The following FMR1NB variants were observed in gnomAD, a reference collection of about 807,000 sequenced individuals.
The protein encoded by FMR1NB is FMR1 neighbor, also known as FMR1 neighbor protein.
A neutral mutation model predicts 16.8 loss-of-function variants in FMR1NB; 10 were observed. The observed-to-expected ratio is 0.60, with a 90% CI of 0.37 to 1.01. The LOEUF is 1.01. Among genes scored for constraint, FMR1NB ranks in the 50% least tolerant of loss-of-function variants. The pLI is 0.01. For synonymous variants in FMR1NB, 83 were observed against 79.1 expected (o/e 1.05, Z -0.26); for missense variants, 205 against 204.8 (o/e 1.00, Z 0.00).
At position 147,981,384 on chromosome X, in the gene FMR1NB, C is replaced by G. The variant is rs376172612; in HGVS notation, c.-19C>G. On this transcript the variant is annotated 5_prime_UTR_variant, in exon 1 of 6. Transcript: ENST00000370467. ...GTTGGGCTGTGAGGCAGCGTCTCAG[C>G]GAGGCGGCACCCGGAGCCATGTCTT... The G allele has an allele frequency of 6.7e-6, 8 of 1,196,552 alleles. No individual in the cohort carries two copies. The Admixed American group carries it at 1.8e-4, about 26-fold the overall frequency.
chrX:147,999,511 T>C (rs2044560135), intron 1 of FMR1NB, among the ~76,000 whole-genome samples: 1 of 106,609 alleles, frequency 9.4e-6, no homozygotes, highest in African/African-American at 3.5e-5. Flanking sequence ...CCAGGCCCTT[T>C]GTTCAGCCAG....
intron 1 of FMR1NB, among the ~76,000 whole-genome samples, chrX:147,991,803 C>G (rs781965524): frequency 9.3e-6 from 1 of 107,977 alleles, no homozygotes; most frequent in Non-Finnish European, 1.9e-5. Flanking sequence ...GAGGACCCTG[C>G]GGCCTTCAGC....
At chrX:148,000,285 T>G (rs782206752) in intron 1 of FMR1NB, among the ~76,000 whole-genome samples, 2 of 112,000 alleles carry the variant, frequency 1.8e-5, no homozygotes, top group East Asian at 5.6e-4. Flanking sequence ...CTCCAAAAAA[T>G]GAAGACTCAG....
chrX:148,008,703 C>A lies in FMR1NB; in HGVS notation c.624C>A (p.Phe208Leu). The A allele has an allele frequency of 1.7e-6, 2 of 1,210,098 alleles. No individual in the cohort carries two copies. The highest frequency in any genetic ancestry group is 2.2e-6 in the Non-Finnish European group (2 of 894,113). ...VCLPIYCRSL[F>L]WRSEPADDLQ... is the part of the protein sequence containing the mutation. ...TGCCCATTTATTGCCGCTCTCTTTT[C>A]TGGAGGAGGTAGGTGAACATAAACT... is the stretch of plus-strand genomic sequence containing the variant. The change falls in exon 4 of 6, where the codon TTC becomes TTA. Residue 208 changes from phenylalanine to leucine, a missense_variant. Transcript: ENST00000370467.
chrX:147,997,345 C>T (rs1215513550), intron 1 of FMR1NB, among the ~76,000 whole-genome samples: 1 of 111,845 alleles, frequency 8.9e-6, no homozygotes. Context: ...CTGTCAAATA[C>T]AAGCAATGGG....
rs145102389 is a variant in FMR1NB at position 147,981,544 on chromosome X, G to A, written c.142G>A (p.Ala48Thr). ...PESSHPGYEA[A>T]MADRPQPGWR... The stretch of plus-strand genomic sequence containing the variant: ...GAGCAGCCATCCTGGATACGAGGCC[G>A]CCATGGCTGACAGGCCTCAGCCAGG... The change falls in exon 1 of 6, where the codon GCC (alanine) becomes ACC (threonine). Residue 48 changes from alanine (A) to threonine (T), a missense_variant. Coordinates refer to ENST00000370467, the MANE Select transcript of FMR1NB (RefSeq NM_152578.3). 16 of 1,210,089 alleles carry A rather than the reference G, an allele frequency of 1.3e-5. No homozygotes were observed. The highest frequency in any genetic ancestry group is 1.1e-4 in the Admixed American group (5 of 45,856).
At chrX:148,024,757 G>T in intron 4 of FMR1NB, 108 bp from the exon 5 acceptor site, 1 of 929,060 alleles carries the variant, frequency 1.1e-6, no homozygotes, top group South Asian at 2.6e-5. Context: ...AAAATATCAG[G>T]TGGGAAAGTA....
intron 1 of FMR1NB, 114 bp downstream of exon 1, chrX:147,981,793 C>T (rs1246071072): frequency 5.8e-6 from 5 of 858,247 alleles, no homozygotes; most frequent in Non-Finnish European, 8.0e-6. Context: ...CTGCCCCTTC[C>T]TGTCCTCTCT....
intron 1 of FMR1NB, among the ~76,000 whole-genome samples, chrX:147,993,708 C>T (rs975317217): frequency 1.8e-5 from 2 of 109,738 alleles, no homozygotes. Flanking sequence ...CCTTCTCTTA[C>T]CTCTTTATTT....
At chrX:148,024,552 C>T (rs1353496450) in intron 4 of FMR1NB, among the ~76,000 whole-genome samples, 1 of 111,723 alleles carries the variant, frequency 9.0e-6, no homozygotes. Flanking sequence ...GCTTCCTAGA[C>T]AAGATAATAT....
intron 1 of FMR1NB, among the ~76,000 whole-genome samples, chrX:147,992,759 C>T (rs1476981862): frequency 4.1e-5 from 3 of 72,668 alleles, no homozygotes; most frequent in East Asian, 4.2e-4. Flanking sequence ...CGGGCAGAGG[C>T]GCTCCTCACA....
chrX:148,003,428 T>C, intron 2 of FMR1NB, 108 bp downstream of exon 2: 1 of 861,521 alleles, frequency 1.2e-6, no homozygotes, highest in Non-Finnish European at 1.6e-6. Flanking sequence ...GGGACAGAGC[T>C]GAGTTTGAAT....
rs371739551 is a variant in FMR1NB at position 147,986,757 on chromosome X, G to T, written c.277+5078G>T. On this transcript the variant is annotated intron_variant, in intron 1 of 5. Transcript: ENST00000370467. The stretch of plus-strand genomic sequence containing the variant: ...ATAGTTTGAAGTCAGGTAGTGTGAT[G>T]CCTCCAGCTTTGTTCTTTTTGCTTA... Among the ~76,000 whole-genome samples the T allele has an allele frequency of 2.7e-5, 3 of 111,619 alleles. No individual in the cohort carries two copies. The East Asian group carries it at 8.4e-4, about 31-fold the overall frequency.
intron 1 of FMR1NB, among the ~76,000 whole-genome samples, chrX:147,990,390 C>T (rs1283829407): frequency 3.6e-5 from 4 of 111,983 alleles, no homozygotes; most frequent in Non-Finnish European, 1.9e-5. Context: ...CCAACTTCTG[C>T]ATTGGTCTTG....
At chrX:148,011,577 A>G (rs2044625236) in intron 4 of FMR1NB, among the ~76,000 whole-genome samples, 1 of 111,646 alleles carries the variant, frequency 9.0e-6, no homozygotes, top group Admixed American at 9.5e-5. Context: ...ACTAAAATGG[A>G]TGGTAGCAAT....
intron 1 of FMR1NB, among the ~76,000 whole-genome samples, chrX:147,997,008 G>T (rs2044545186): frequency 9.0e-6 from 1 of 111,490 alleles, no homozygotes; most frequent in Non-Finnish European, 1.9e-5. Flanking sequence ...AATGGAGGAG[G>T]GGAAAAAGGC....
intron 1 of FMR1NB, among the ~76,000 whole-genome samples, chrX:147,990,760 A>G (rs782220335): frequency 9.0e-6 from 1 of 111,450 alleles, no homozygotes; most frequent in African/African-American, 3.3e-5. Context: ...CTCCCTTCAC[A>G]AAGTACTACA....
At chrX:148,001,824 CAGAAT>C (rs1420379665) in intron 1 of FMR1NB, among the ~76,000 whole-genome samples, 8 of 110,574 alleles carry the variant, frequency 7.2e-5, no homozygotes, top group African/African-American at 2.3e-4. Context: ...GTTGGTGGAA[CAGAAT>C]AGAAAGTCAA....
At chrX:148,022,761 T>C (rs1402063810) in intron 4 of FMR1NB, among the ~76,000 whole-genome samples, 1 of 111,565 alleles carries the variant, frequency 9.0e-6, no homozygotes, top group Non-Finnish European at 1.9e-5. Context: ...GAAACCTAGG[T>C]CAGTTTTGAA....
Sources: allele counts gnomAD v4.1 joint callset (sites outside exome capture counted in the v4.1 genomes callset), GRCh38; gene constraint gnomAD v4.1.1; transcripts MANE v1.5; gene names NCBI Gene and HGNC (gene_info 2026-07-23, HGNC 2026-07-21).